RBMS3: variants seen among roughly 807,000 people sequenced by gnomAD.
RBMS3 encodes the protein RNA binding motif single stranded interacting protein 3, also known as RNA-binding motif, single-stranded-interacting protein 3.
RBMS3 carries 27 observed loss-of-function variants against 66.8 expected under a neutral mutation model. The ratio of observed to expected loss-of-function variants is 0.40; its 90% CI spans 0.30 to 0.56. The LOEUF (loss-of-function observed/expected upper bound fraction) is 0.56, where lower values mean the gene tolerates loss of function less well. Ranked by LOEUF, RBMS3 falls within the 20% of genes least tolerant of loss-of-function variation. RBMS3 has a pLI of 0.40. For synonymous variants in RBMS3, 188 were observed against 183.0 expected, an observed-to-expected ratio of 1.03 and a Z score of -0.22; for missense variants, 513 against 549.5, an observed-to-expected ratio of 0.93 and a Z score of 0.66.
At chr3:29,999,639 C>T (rs1277167769) in intron 14 of RBMS3, among the ~76,000 whole-genome samples, 3 of 151,902 alleles carry the variant, frequency 2.0e-5, no homozygotes, top group African/African-American at 7.3e-5. Flanking sequence ...ACCATCATTC[C>T]CAGCAAACTA....
At chr3:29,391,880 A>G (rs1039374260) in intron 1 of RBMS3, among the ~76,000 whole-genome samples, 27 of 152,228 alleles carry the variant, frequency 1.8e-4, no homozygotes, top group African/African-American at 6.0e-4. Context: ...CAACCCATTG[A>G]CAATTAAATG....
intron 6 of RBMS3, among the ~76,000 whole-genome samples, chr3:29,867,440 G>A (rs2059389895): frequency 6.9e-6 from 1 of 145,536 alleles, no homozygotes; most frequent in African/African-American, 2.6e-5. Context: ...AGTTAACTCT[G>A]TACCACTACC....
chr3:29,517,407 C>A (rs903358122), intron 3 of RBMS3, among the ~76,000 whole-genome samples: 2 of 151,392 alleles, frequency 1.3e-5, no homozygotes, highest in African/African-American at 4.9e-5. Flanking sequence ...ACTGCAAGCT[C>A]CACCTCCCAG....
intron 3 of RBMS3, among the ~76,000 whole-genome samples, chr3:29,529,576 A>G (rs1275728120): frequency 6.6e-6 from 1 of 152,228 alleles, no homozygotes; most frequent in Admixed American, 6.5e-5. Flanking sequence ...TACATAGAGT[A>G]TATATATCCC....
At chr3:29,770,642 A>G (rs1053844484) in intron 6 of RBMS3, among the ~76,000 whole-genome samples, 6 of 151,958 alleles carry the variant, frequency 3.9e-5, no homozygotes, top group Non-Finnish European at 8.8e-5. Context: ...TGGACTGAAA[A>G]TTTCACATAA....
rs190486836 is a variant in RBMS3 at position 29,953,736 on chromosome 3, C to T, written c.1098+9482C>T. 1.8e-4 allele frequency among the ~76,000 whole-genome samples: 28 copies of T among 151,964 alleles called. 1 individual carries two copies. In the East Asian group the frequency reaches 5.1e-3, roughly 27 times the overall value. On this transcript the variant is annotated intron_variant, in intron 12 of 14. Transcript: ENST00000383767. ...GGAGTTTCTTTGTCCTCTGCAAATT[C>T]GTTCTTTATAAGCTCAGCTGGACCC...
rs199611852 is a variant in RBMS3, at chr3:29,684,561, G to GT, written c.400-55152dup. Among the ~76,000 whole-genome samples the GT allele has an allele frequency of 3.3e-3, 497 of 152,168 alleles. 2 individuals are homozygous for GT. The highest frequency in any genetic ancestry group is 0.011 in the African/African-American group (462 of 41,520). ...TATTTAGGGAGTTATGGAATGAATA[G>GT]TTTTTTTCCCTGAAAGCATTGTTTT... On this transcript the variant is annotated intron_variant, in intron 4 of 14. Transcript: ENST00000383767.
chr3:29,657,021 G>A (rs2149221926), intron 4 of RBMS3, among the ~76,000 whole-genome samples: 1 of 152,288 alleles, frequency 6.6e-6, no homozygotes, highest in South Asian at 2.1e-4. Flanking sequence ...TGAATTATAG[G>A]TGGAAGATGA....
intron 7 of RBMS3, among the ~76,000 whole-genome samples, chr3:29,872,376 TTG>T (rs780929106): frequency 1.6e-4 from 25 of 152,258 alleles, no homozygotes; most frequent in Non-Finnish European, 2.6e-4. Context: ...ATGGCCAGAT[TTG>T]TGCATGTACT....
At chr3:29,932,903 CTT>C (rs904563975) in intron 10 of RBMS3, among the ~76,000 whole-genome samples, 1 of 152,126 alleles carries the variant, frequency 6.6e-6, no homozygotes, top group African/African-American at 2.4e-5. Context: ...CCCTTTGTCT[CTT>C]GAGTGGGAGC....
chr3:29,324,764 T>C (rs2035220586), intron 1 of RBMS3, among the ~76,000 whole-genome samples: 1 of 152,052 alleles, frequency 6.6e-6, no homozygotes, highest in South Asian at 2.1e-4. Context: ...TCCTTTTTCT[T>C]TTTCTCTTTC....
At chr3:29,995,992 G>A (rs1017500642) in intron 14 of RBMS3, among the ~76,000 whole-genome samples, 4 of 152,142 alleles carry the variant, frequency 2.6e-5, no homozygotes, top group Non-Finnish European at 5.9e-5. Context: ...CAAGAGTCAA[G>A]ACCCATCAGT....
intron 3 of RBMS3, among the ~76,000 whole-genome samples, chr3:29,505,886 G>A (rs1483041604): frequency 6.6e-6 from 1 of 151,550 alleles, no homozygotes; most frequent in Non-Finnish European, 1.5e-5. Context: ...TCATTGTTAA[G>A]TGTACTTAAC....
At chr3:29,483,119 C>T (rs930992064) in intron 2 of RBMS3, among the ~76,000 whole-genome samples, 4 of 147,718 alleles carry the variant, frequency 2.7e-5, no homozygotes, top group East Asian at 2.0e-4. Flanking sequence ...TCCTGGCTAA[C>T]ACGGTGAAAC....
At chr3:29,685,066 TG>T (rs2051658510) in intron 4 of RBMS3, among the ~76,000 whole-genome samples, 1 of 152,124 alleles carries the variant, frequency 6.6e-6, no homozygotes, top group Non-Finnish European at 1.5e-5. Flanking sequence ...TGTTTTGTTT[TG>T]TTTTGTTTTG....
rs1367171907 is a variant in RBMS3, at chr3:29,379,940, T to C, written c.76-54803T>C. 2.0e-5 allele frequency among the ~76,000 whole-genome samples: 3 copies of C among 152,044 alleles called. No homozygotes were observed. The East Asian group carries it at 5.8e-4, about 29-fold the overall frequency. On this transcript the variant is annotated intron_variant, in intron 1 of 14. Transcript: ENST00000383767. Reference sequence around the variant, plus strand: ...GGAAGACTTAATTTAGTCAGTATAGTCAGGAAGGACACTCTTAAAAAATGG... The same window carrying C: ...GGAAGACTTAATTTAGTCAGTATAGCCAGGAAGGACACTCTTAAAAAATGG...
At chr3:29,734,699 A>G (rs1448042066) in intron 4 of RBMS3, among the ~76,000 whole-genome samples, 2 of 152,300 alleles carry the variant, frequency 1.3e-5, no homozygotes, top group Admixed American at 6.5e-5. Context: ...ACCTATCCAC[A>G]ATGAAATATG....
At chr3:29,797,542 A>G in intron 6 of RBMS3, 1 of 152,154 alleles carries the variant, frequency 6.6e-6, no homozygotes. Context: ...AATTTTCATC[A>G]AGGACTTTTC....
chr3:29,573,320 C>G (rs2047004615), intron 3 of RBMS3, among the ~76,000 whole-genome samples: 1 of 152,058 alleles, frequency 6.6e-6, no homozygotes, highest in Non-Finnish European at 1.5e-5. Flanking sequence ...GGGGTTTCAC[C>G]ATGTTGGCCA....
Sources: gnomAD v4.1 joint callset for allele counts (sites outside exome capture counted in the v4.1 genomes callset) on GRCh38, gnomAD v4.1.1 for gene constraint, MANE v1.5 for transcripts, NCBI Gene and HGNC (gene_info 2026-07-23, HGNC 2026-07-21) for gene names.